KANK1: variants seen among roughly 807,000 people sequenced by gnomAD.
KANK1 encodes KN motif and ankyrin repeat domain-containing protein 1.
In KANK1, 109 loss-of-function variants were observed where a neutral mutation model predicts 106.2. The observed-to-expected ratio is 1.03, with a 90% CI of 0.88 to 1.20. The LOEUF (loss-of-function observed/expected upper bound fraction) is 1.20. Ranked by LOEUF, KANK1 falls within the 50% of genes most tolerant of loss-of-function variation. KANK1 has a pLI of 0.00. For missense variants in KANK1, 2,399 were observed against 1,710.7 expected (o/e 1.40, Z -7.10); for synonymous variants, 873 against 652.2 (o/e 1.34, Z -5.16).
intron 1 of KANK1, among the ~76,000 whole-genome samples, chr9:668,464 C>T (rs1845173587): frequency 6.6e-6 from 1 of 152,046 alleles, no homozygotes; most frequent in Non-Finnish European, 1.5e-5. Context: ...TGAATAATGT[C>T]TCTTTGTTAA....
chr9:475,194 T>C (rs1284690257), intron 3 of KANK1, among the ~76,000 whole-genome samples: 1 of 152,142 alleles, frequency 6.6e-6, no homozygotes, highest in Non-Finnish European at 1.5e-5. Context: ...GTTTAATTGG[T>C]AAATGACCTT....
At chr9:615,589 C>T (rs977912385) in intron 1 of KANK1, among the ~76,000 whole-genome samples, 3 of 152,178 alleles carry the variant, frequency 2.0e-5, no homozygotes, top group Admixed American at 6.5e-5. Context: ...GTACCTAGCA[C>T]AGAGTCAGTC....
chr9:596,921 C>T (rs1029033169), intron 1 of KANK1, among the ~76,000 whole-genome samples: 4 of 150,424 alleles, frequency 2.7e-5, no homozygotes, highest in Admixed American at 1.3e-4. Flanking sequence ...TCTCTCATCC[C>T]TGACAATCAT....
intron 3 of KANK1, among the ~76,000 whole-genome samples, chr9:497,708 C>T (rs1487856273): frequency 1.3e-5 from 2 of 152,042 alleles, no homozygotes; most frequent in Non-Finnish European, 2.9e-5. Context: ...AAAAAATTAG[C>T]CAGGCGTGGT....
intron 1 of KANK1, among the ~76,000 whole-genome samples, chr9:602,230 C>A (rs1040623440): frequency 6.6e-6 from 1 of 151,796 alleles, no homozygotes; most frequent in Non-Finnish European, 1.5e-5. Context: ...TTCTGACTCT[C>A]ATTTTTAGCC....
chr9:654,002 G>C (rs1199007911), intron 1 of KANK1, among the ~76,000 whole-genome samples: 1 of 152,172 alleles, frequency 6.6e-6, no homozygotes, highest in East Asian at 1.9e-4. Flanking sequence ...GCCAAAGACT[G>C]TTCATTATGC....
chr9:694,912 C>G (rs536208276), intron 2 of KANK1, among the ~76,000 whole-genome samples: 29 of 152,224 alleles, frequency 1.9e-4, no homozygotes, highest in Middle Eastern at 3.4e-3. Flanking sequence ...TGGTCTGACA[C>G]CTGCCGTGAT....
intron 1 of KANK1, among the ~76,000 whole-genome samples, chr9:520,406 G>A (rs990494110): frequency 6.6e-6 from 1 of 151,580 alleles, no homozygotes; most frequent in Non-Finnish European, 1.5e-5. Flanking sequence ...TTCTGCTTGT[G>A]TGTCACTTCT....
At chr9:498,247 C>G (rs956661925) in intron 3 of KANK1, among the ~76,000 whole-genome samples, 1 of 152,202 alleles carries the variant, frequency 6.6e-6, no homozygotes, top group African/African-American at 2.4e-5. Flanking sequence ...TAGCAGATAA[C>G]TAATTGCACC....
At chr9:736,124 A>AT (rs975928440) in intron 7 of KANK1, among the ~76,000 whole-genome samples, 1 of 151,958 alleles carries the variant, frequency 6.6e-6, no homozygotes, top group Admixed American at 6.6e-5. Flanking sequence ...CGCCCGGCTA[A>AT]TTTTTTTGTA....
intron 1 of KANK1, among the ~76,000 whole-genome samples, chr9:628,456 A>G (rs1159557611): frequency 6.6e-6 from 1 of 152,228 alleles, no homozygotes; most frequent in East Asian, 1.9e-4. Context: ...TTTAATAGTT[A>G]ACATCTGAAA....
chr9:546,567 G>C (rs1375927102), intron 1 of KANK1, among the ~76,000 whole-genome samples: 1 of 151,908 alleles, frequency 6.6e-6, no homozygotes, highest in Admixed American at 6.6e-5. Flanking sequence ...TTTTCACCTT[G>C]CCTCTCCTAC....
intron 1 of KANK1, among the ~76,000 whole-genome samples, chr9:668,637 A>G (rs1444340904): frequency 1.3e-5 from 2 of 151,922 alleles, no homozygotes; most frequent in Non-Finnish European, 2.9e-5. Context: ...TGTGTTTATC[A>G]TAGGTTTTTA....
chr9:735,325 A>AAAT (rs767007996), intron 7 of KANK1, among the ~76,000 whole-genome samples: 126 of 152,322 alleles, frequency 8.3e-4, no homozygotes, highest in Non-Finnish European at 1.5e-3. Flanking sequence ...TTAAACATAA[A>AAAT]AATAACCGCA....
intron 1 of KANK1, among the ~76,000 whole-genome samples, chr9:538,286 G>A (rs1303689274): frequency 1.3e-5 from 2 of 152,188 alleles, no homozygotes; most frequent in Admixed American, 6.5e-5. Context: ...GCCTTCTCAG[G>A]CAGCTGAGCA....
Position 711,520 on chromosome 9 carries a change from G to C in KANK1, c.754G>C (p.Val252Leu). The change falls in exon 3 of 12, where the codon GTG (valine) becomes CTG (leucine). Residue 252 changes from valine (V) to leucine (L), a missense_variant. Val to Leu is a conservative substitution (Grantham distance 32). Coordinates refer to ENST00000382297, the MANE Select transcript of KANK1 (RefSeq NM_015158.5). ...CCTGAGCTCAGGGATCTCCACCCCA[G>C]TGACCAACGTGAGCCCCATGCACCT... ...SPLSSGISTP[V>L]TNVSPMHLQH... The C allele has an allele frequency of 1.9e-6, 3 of 1,613,894 alleles. No homozygotes were observed. Among genetic ancestry groups the C allele is most frequent in the Non-Finnish European group, 2.5e-6 (3 of 1,179,904 alleles).
rs536332300 is a variant in KANK1, at chr9:612,486, GT to G, written c.-83-64401del. Among the ~76,000 whole-genome samples, 149 of 152,240 alleles carry G rather than the reference GT, an allele frequency of 9.8e-4. 1 individual carries two copies. Among genetic ancestry groups the G allele is most frequent in the Non-Finnish European group, 1.7e-3 (114 of 68,028 alleles). On this transcript the variant is annotated intron_variant, in intron 1 of 11. Transcript: ENST00000382297. Reference sequence around the variant, plus strand: ...TGTTTTTTTGAAGACAGCCTTTAGGGTTTCAGTGTCATCATCTTTATGCCTT... The same window carrying G: ...TGTTTTTTTGAAGACAGCCTTTAGGGTTCAGTGTCATCATCTTTATGCCTT...
intron 3 of KANK1, among the ~76,000 whole-genome samples, chr9:718,298 CTTTTTTTTT>C (rs60145502): frequency 8.1e-5 from 6 of 74,126 alleles, no homozygotes; most frequent in East Asian, 5.7e-4. Context: ...CTTGCTGTGT[CTTTTTTTTT>C]TTTTTTTTTT....
At chr9:520,273 A>G (rs1251274828) in intron 1 of KANK1, among the ~76,000 whole-genome samples, 1 of 151,812 alleles carries the variant, frequency 6.6e-6, no homozygotes, top group African/African-American at 2.4e-5. Flanking sequence ...GGGGAGGTTA[A>G]GGCTGTAGTG....
Sources: gnomAD v4.1 joint callset for allele counts (sites outside exome capture counted in the v4.1 genomes callset) on GRCh38, gnomAD v4.1.1 for gene constraint, MANE v1.5 for transcripts, NCBI Gene and HGNC (gene_info 2026-07-23, HGNC 2026-07-21) for gene names.